Variants in MARCHF11 observed in about 807,000 individuals in gnomAD.
The protein encoded by MARCHF11 is E3 ubiquitin-protein ligase MARCHF11.
A neutral mutation model predicts 37.3 loss-of-function variants in MARCHF11; 29 were observed. The ratio of observed to expected loss-of-function variants is 0.78; its 90% CI spans 0.58 to 1.06. The LOEUF (loss-of-function observed/expected upper bound fraction) is 1.06. MARCHF11 is among the 50% of genes least tolerant of loss of function. The pLI, the probability that MARCHF11 is intolerant of heterozygous loss-of-function variation, is 0.00. For synonymous variants in MARCHF11, 233 were observed against 228.0 expected (o/e 1.02, Z -0.20); for missense variants, 482 against 533.4 (o/e 0.90, Z 0.95).
intron 2 of MARCHF11, among the ~76,000 whole-genome samples, chr5:16,127,141 T>C (rs77256756): frequency 6.6e-6 from 1 of 151,854 alleles, no homozygotes; most frequent in Non-Finnish European, 1.5e-5. Flanking sequence ...GTCACAGAGG[T>C]TGAATACTCA....
chr5:16,162,835 A>G (rs1738104282), intron 2 of MARCHF11, among the ~76,000 whole-genome samples: 1 of 152,058 alleles, frequency 6.6e-6, no homozygotes. Flanking sequence ...GTCCTGTTCT[A>G]ATAAGACTAG....
intron 2 of MARCHF11, among the ~76,000 whole-genome samples, chr5:16,104,914 A>AACACACAC (rs35858618): frequency 2.0e-5 from 3 of 149,556 alleles, no homozygotes; most frequent in African/African-American, 4.9e-5. Context: ...GACTAAAGGA[A>AACACACAC]ACACACACAC....
At chr5:16,105,308 G>A (rs146323829) in intron 2 of MARCHF11, among the ~76,000 whole-genome samples, 76 of 152,308 alleles carry the variant, frequency 5.0e-4, no homozygotes, top group African/African-American at 1.8e-3. Flanking sequence ...GAAAGGGAGG[G>A]ATAGCTAGGA....
intron 3 of MARCHF11, among the ~76,000 whole-genome samples, chr5:16,074,665 C>T (rs1299440565): frequency 6.6e-6 from 1 of 152,076 alleles, no homozygotes; most frequent in Non-Finnish European, 1.5e-5. Context: ...GCATCATTAC[C>T]ACTGATAAAA....
intron 2 of MARCHF11, among the ~76,000 whole-genome samples, chr5:16,143,615 C>G (rs950209683): frequency 3.9e-5 from 6 of 152,258 alleles, no homozygotes; most frequent in Non-Finnish European, 8.8e-5. Flanking sequence ...GGGCTAGGCC[C>G]TGGCCTGCAT....
chr5:16,147,727 G>A (rs759502202), intron 2 of MARCHF11, among the ~76,000 whole-genome samples: 8 of 152,004 alleles, frequency 5.3e-5, no homozygotes, highest in Admixed American at 2.0e-4. Context: ...GGGATCTACC[G>A]GACCTGTTTA....
chr5:16,116,140 T>A (rs1205933728), intron 2 of MARCHF11, among the ~76,000 whole-genome samples: 2 of 152,190 alleles, frequency 1.3e-5, no homozygotes, highest in Non-Finnish European at 2.9e-5. Context: ...CTCTTTTTGT[T>A]TACCAAATCA....
At position 16,102,922 on chromosome 5, in the gene MARCHF11, C is replaced by G. The variant is rs567469600; in HGVS notation, c.694-11841G>C. 6.6e-5 allele frequency among the ~76,000 whole-genome samples: 10 copies of G among 152,306 alleles called. No homozygotes were observed. The East Asian group carries it at 1.7e-3, about 27-fold the overall frequency. Reference sequence around the variant, plus strand: ...TTGTTGGCTGATTAAGGGAGCCACCCTTTCACAAGTTCCATGAAGGGGTCA... The same window carrying G: ...TTGTTGGCTGATTAAGGGAGCCACCGTTTCACAAGTTCCATGAAGGGGTCA... On this transcript the variant is annotated intron_variant, in intron 2 of 3. Coordinates refer to ENST00000332432, the MANE Select transcript of MARCHF11 (RefSeq NM_001102562.3).
intron 2 of MARCHF11, among the ~76,000 whole-genome samples, chr5:16,152,075 T>G (rs1426539164): frequency 6.6e-6 from 1 of 152,006 alleles, no homozygotes; most frequent in African/African-American, 2.4e-5. Context: ...ATTTCCAGTA[T>G]CTCACTCATT....
At chr5:16,165,782 A>C (rs960150831) in intron 2 of MARCHF11, among the ~76,000 whole-genome samples, 2 of 152,088 alleles carry the variant, frequency 1.3e-5, no homozygotes, top group African/African-American at 4.8e-5. Context: ...CTGGCTACAT[A>C]GAATTTGCTA....
At chr5:16,138,341 C>T (rs6861604) in intron 2 of MARCHF11, among the ~76,000 whole-genome samples, 4,960 of 152,304 alleles carry the variant, frequency 0.033, 288 homozygotes, top group African/African-American at 0.11. Context: ...CCCCAAGCCT[C>T]GGCAGCTTAC....
intron 2 of MARCHF11, among the ~76,000 whole-genome samples, chr5:16,167,471 G>C (rs1466891546): frequency 1.3e-5 from 2 of 152,070 alleles, no homozygotes; most frequent in Non-Finnish European, 2.9e-5. Context: ...TCAAGGGAAG[G>C]TCAGCCTTTT....
Position 16,124,837 on chromosome 5 carries a change from T to C in MARCHF11, c.694-33756A>G, listed in dbSNP as rs78639956. ...TGAATTTGTATCATTAGTTTATATCTTGAACACAACACACTTAGGGGCAAG... is the reference window on the plus strand; with the variant it reads ...TGAATTTGTATCATTAGTTTATATCCTGAACACAACACACTTAGGGGCAAG... On this transcript the variant is annotated intron_variant, in intron 2 of 3. Coordinates refer to ENST00000332432, the MANE Select transcript of MARCHF11 (RefSeq NM_001102562.3). 9.2e-4 allele frequency among the ~76,000 whole-genome samples: 139 copies of C among 151,502 alleles called. No individual in the cohort carries two copies. In the East Asian group the frequency reaches 0.024, roughly 27 times the overall value.
At chr5:16,128,755 T>C (rs1015184950) in intron 2 of MARCHF11, among the ~76,000 whole-genome samples, 12 of 152,198 alleles carry the variant, frequency 7.9e-5, no homozygotes, top group African/African-American at 2.9e-4. Flanking sequence ...ACTGTTTGTG[T>C]GTGTGTATGC....
intron 2 of MARCHF11, among the ~76,000 whole-genome samples, chr5:16,132,573 C>A (rs956048564): frequency 6.6e-6 from 1 of 152,034 alleles, no homozygotes; most frequent in Non-Finnish European, 1.5e-5. Context: ...GACTGACAAG[C>A]AAACAAGGGG....
At chr5:16,147,629 C>T (rs1015761753) in intron 2 of MARCHF11, among the ~76,000 whole-genome samples, 2 of 152,152 alleles carry the variant, frequency 1.3e-5, no homozygotes, top group South Asian at 2.1e-4. Context: ...CTTGAATGTG[C>T]GATAGAAATA....
At chr5:16,128,067 T>C (rs1222322834) in intron 2 of MARCHF11, among the ~76,000 whole-genome samples, 3 of 152,168 alleles carry the variant, frequency 2.0e-5, no homozygotes, top group African/African-American at 7.2e-5. Flanking sequence ...GTGCCTGCCA[T>C]CTCTTGCTGC....
intron 2 of MARCHF11, among the ~76,000 whole-genome samples, chr5:16,094,380 C>T (rs932895950): frequency 3.9e-5 from 6 of 152,036 alleles, no homozygotes; most frequent in Non-Finnish European, 7.4e-5. Context: ...TCTCTCTATC[C>T]CAATGTTATA....
In MARCHF11 at chr5:16,117,748, G is replaced by A. The variant is rs1002664814; in HGVS notation, c.694-26667C>T. 4.6e-5 allele frequency among the ~76,000 whole-genome samples: 7 copies of A among 152,144 alleles called. No individual in the cohort carries two copies. In the South Asian group the frequency reaches 1.4e-3, roughly 31 times the overall value. On this transcript the variant is annotated intron_variant, in intron 2 of 3. Coordinates refer to ENST00000332432, the MANE Select transcript of MARCHF11 (RefSeq NM_001102562.3). ...AAAAAAAGGCAAAAACAATTCAACT[G>A]TCTTCCAAAATAACCTACGACATAA...
Sources: gnomAD v4.1 joint callset for allele counts (sites outside exome capture counted in the v4.1 genomes callset) on GRCh38, gnomAD v4.1.1 for gene constraint, MANE v1.5 for transcripts, NCBI Gene and HGNC (gene_info 2026-07-23, HGNC 2026-07-21) for gene names.